The following REPS1 variants were observed in gnomAD, a reference collection of about 807,000 sequenced individuals.
The protein encoded by REPS1 is RALBP1 associated Eps domain containing 1.
Under a neutral mutation model 100.9 loss-of-function variants are expected in REPS1, and 39 were observed. The ratio of observed to expected loss-of-function variants is 0.39; its 90% CI spans 0.30 to 0.50. The LOEUF (loss-of-function observed/expected upper bound fraction) is 0.50. Ranked by LOEUF, REPS1 falls within the 20% of genes least tolerant of loss-of-function variation. The pLI is 0.86. For synonymous variants in REPS1, 324 were observed against 340.3 expected (o/e 0.95, Z 0.53); for missense variants, 821 against 968.5 (o/e 0.85, Z 2.02).
At chr6:138,915,644 G>A (rs1780314970) in intron 14 of REPS1, among the ~76,000 whole-genome samples, 1 of 151,754 alleles carries the variant, frequency 6.6e-6, no homozygotes, top group South Asian at 2.1e-4. Flanking sequence ...GTAGAGATGG[G>A]GTTTCACCAT....
chr6:138,922,802 T>C (rs1780865623), intron 10 of REPS1, among the ~76,000 whole-genome samples: 1 of 152,242 alleles, frequency 6.6e-6, no homozygotes, highest in Admixed American at 6.5e-5. Context: ...GTGTGGAGGA[T>C]AATGGCCTTT....
chr6:138,967,851 G>T (rs1423361748), intron 1 of REPS1, among the ~76,000 whole-genome samples: 2 of 152,112 alleles, frequency 1.3e-5, no homozygotes, highest in East Asian at 1.9e-4. Context: ...CTTTATGAAT[G>T]AATTCATTTA....
chr6:138,944,760 C>G (rs1582794664), intron 4 of REPS1, 138 bp from the exon 5 acceptor site: 1 of 734,698 alleles, frequency 1.4e-6, no homozygotes, highest in Admixed American at 3.2e-5. Flanking sequence ...GAAATTATAC[C>G]TCATTTAAAT....
At chr6:138,949,864 T>C (rs1782901906) in intron 1 of REPS1, among the ~76,000 whole-genome samples, 3 of 152,070 alleles carry the variant, frequency 2.0e-5, no homozygotes, top group Admixed American at 2.0e-4. Flanking sequence ...GTGTGTAGAA[T>C]TGATGGGGAG....
intron 1 of REPS1, among the ~76,000 whole-genome samples, chr6:138,975,605 G>A (rs977989523): frequency 1.3e-5 from 2 of 152,110 alleles, no homozygotes; most frequent in African/African-American, 2.4e-5. Context: ...TGGCCAAGGC[G>A]GAGGATCACC....
intron 1 of REPS1, among the ~76,000 whole-genome samples, chr6:138,967,546 T>C (rs541327921): frequency 1.3e-5 from 2 of 152,340 alleles, no homozygotes; most frequent in African/African-American, 4.8e-5. Flanking sequence ...TGAGTTTCTA[T>C]AGCTGTAGGC....
chr6:138,941,613 A>G (rs888402184), intron 7 of REPS1, 124 bp from the exon 8 acceptor site: 1 of 905,244 alleles, frequency 1.1e-6, no homozygotes, highest in African/African-American at 1.7e-5. Context: ...TAAAAATCCC[A>G]TACACAGAAA....
intron 1 of REPS1, among the ~76,000 whole-genome samples, chr6:138,972,097 G>T (rs1308678414): frequency 1.3e-5 from 2 of 152,138 alleles, no homozygotes; most frequent in Admixed American, 1.3e-4. Context: ...CAGCATAAAT[G>T]AACAAAAATC....
intron 1 of REPS1, among the ~76,000 whole-genome samples, chr6:138,984,894 C>A (rs1159421655): frequency 2.6e-5 from 4 of 152,180 alleles, no homozygotes; most frequent in African/African-American, 7.2e-5. Context: ...ACCCAGCAGT[C>A]CTTCAATAAC....
chr6:138,927,501 C>T (rs1344734364), intron 9 of REPS1: 3 of 152,156 alleles, frequency 2.0e-5, no homozygotes, highest in South Asian at 2.1e-4. Flanking sequence ...TGTATACACA[C>T]GAATATTTAC....
intron 10 of REPS1, among the ~76,000 whole-genome samples, chr6:138,921,563 G>C (rs1780760289): frequency 7.2e-6 from 1 of 138,750 alleles, no homozygotes; most frequent in South Asian, 2.4e-4. Context: ...TAGGTAGGAG[G>C]ATCCTTTTTT....
At chr6:138,964,935 T>C (rs78866490) in intron 1 of REPS1, among the ~76,000 whole-genome samples, 5 of 152,106 alleles carry the variant, frequency 3.3e-5, no homozygotes, top group African/African-American at 1.2e-4. Flanking sequence ...TAGAAGGGAA[T>C]CATAAAGAAT....
chr6:138,951,674 A>C (rs1254547574), intron 1 of REPS1, among the ~76,000 whole-genome samples: 1 of 152,162 alleles, frequency 6.6e-6, no homozygotes, highest in Non-Finnish European at 1.5e-5. Context: ...TGTTTCATGA[A>C]GATTTGAAAT....
intron 1 of REPS1, among the ~76,000 whole-genome samples, chr6:138,982,194 A>G (rs1388171621): frequency 6.6e-6 from 1 of 152,214 alleles, no homozygotes; most frequent in Non-Finnish European, 1.5e-5. Flanking sequence ...CTGCTTTCCT[A>G]TTTTTAAACT....
intron 1 of REPS1, among the ~76,000 whole-genome samples, chr6:138,956,854 T>C (rs1358614675): frequency 6.6e-6 from 1 of 151,754 alleles, no homozygotes; most frequent in Non-Finnish European, 1.5e-5. Flanking sequence ...AAAAATACTC[T>C]AGTGCCTGTT....
At chr6:138,975,720 G>A (rs1026176568) in intron 1 of REPS1, among the ~76,000 whole-genome samples, 19 of 152,158 alleles carry the variant, frequency 1.2e-4, no homozygotes, top group Non-Finnish European at 2.1e-4. Context: ...TGTAATCCCA[G>A]CTACTCGAGA....
At chr6:138,979,834 T>C (rs1290798453) in intron 1 of REPS1, among the ~76,000 whole-genome samples, 3 of 152,200 alleles carry the variant, frequency 2.0e-5, no homozygotes, top group Non-Finnish European at 4.4e-5. Context: ...TTCTTTATAA[T>C]CTTTTCTTCA....
At chr6:138,916,218 CTTTTTTTTT>C (rs10582137) in intron 13 of REPS1, 5 of 207,436 alleles carry the variant, frequency 2.4e-5, no homozygotes, top group East Asian at 1.8e-4. Context: ...TTCTTTTTTT[CTTTTTTTTT>C]TTTTTTTTTT....
intron 1 of REPS1, among the ~76,000 whole-genome samples, chr6:138,962,425 TA>T (rs1783793934): frequency 6.6e-6 from 1 of 151,832 alleles, no homozygotes; most frequent in Non-Finnish European, 1.5e-5. Context: ...ATATAAAATA[TA>T]ATAGCTTTAT....
Sources: allele counts gnomAD v4.1 joint callset (sites outside exome capture counted in the v4.1 genomes callset), GRCh38; gene constraint gnomAD v4.1.1; transcripts MANE v1.5; gene names NCBI Gene and HGNC (gene_info 2026-07-23, HGNC 2026-07-21).